PRAMEF20: variants seen among roughly 807,000 people sequenced by gnomAD.
PRAMEF20 encodes PRAME family member 20/21.
PRAMEF20 carries 27 observed loss-of-function variants against 32.4 expected under a neutral mutation model. The observed-to-expected ratio is 0.83, with a 90% CI of 0.61 to 1.15. The LOEUF (loss-of-function observed/expected upper bound fraction) is 1.15. Among genes scored for constraint, PRAMEF20 ranks in the 50% most tolerant of loss-of-function variants. The pLI is 0.00. For missense variants in PRAMEF20, 604 were observed against 584.5 expected, an observed-to-expected ratio of 1.03 and a Z score of -0.34; for synonymous variants, 256 against 235.4, an observed-to-expected ratio of 1.09 and a Z score of -0.80.
At chr1:13,412,027 A>C (rs1255929575), upstream of PRAMEF20, among the ~76,000 whole-genome samples, 7 of 132,030 alleles carry the variant, frequency 5.3e-5, no homozygotes, top group East Asian at 1.5e-3. Context: ...CTTTAATTTA[A>C]TTTATTTTAT....
At chr1:13,420,561 TG>T (rs1239918658) in intron 2 of PRAMEF20, 135 bp from the exon 4 acceptor site, 6 of 1,213,712 alleles carry the variant, frequency 4.9e-6, no homozygotes, top group Non-Finnish European at 7.2e-6. Context: ...GCATCCTAAG[TG>T]TTGACTATCA....
chr1:13,416,658 G>C lies in PRAMEF20; in HGVS notation c.287+17G>C, dbSNP rs1171551356. The C allele has an allele frequency of 6.2e-7, 1 of 1,613,946 alleles. No homozygotes were observed. The highest frequency in any genetic ancestry group is 2.2e-5 in the East Asian group (1 of 44,880). On this transcript the variant is annotated intron_variant, in intron 1 of 2. Transcript: ENST00000602960. ...TCGTCTCAGGTGAGGTGGCCCAAGT[G>C]GGCTGGTGGGGAGGGCCCAGGTGTC... is the stretch of plus-strand genomic sequence containing the variant.
At chr1:13,414,195 T>C (rs1641139334), upstream of PRAMEF20, among the ~76,000 whole-genome samples, 2 of 145,848 alleles carry the variant, frequency 1.4e-5, no homozygotes, top group Non-Finnish European at 3.0e-5. Flanking sequence ...GCACCCGCCA[T>C]CACACCTGAC....
At chr1:13,421,242 A>G (rs1641240826) in exon 3 of PRAMEF20, 6 of 1,613,856 alleles carry the variant, frequency 3.7e-6, no homozygotes, top group Non-Finnish European at 4.2e-6. Context: ...CTGGAGGTAG[A>G]TCGGTGTTGC....
upstream of PRAMEF20, among the ~76,000 whole-genome samples, chr1:13,412,524 CAAGATCCCCAAACAGATCCCCT>C (rs1423842603): frequency 5.3e-5 from 8 of 152,092 alleles, no homozygotes; most frequent in African/African-American, 1.9e-4. Context: ...TTCAATTCTT[CAAGATCCCCAAACAGATCCCCT>C]AAGATCCCCC....
exon 3 of PRAMEF20, chr1:13,420,962 G>A: frequency 5.0e-6 from 8 of 1,613,680 alleles, no homozygotes; most frequent in Non-Finnish European, 6.8e-6. Flanking sequence ...CCGCTGCTTT[G>A]AGCTCACCAC....
chr1:13,418,777 A>C lies in PRAMEF20; in HGVS notation c.866+77A>C. 16 of 1,604,882 alleles carry C rather than the reference A, an allele frequency of 1.0e-5. No individual in the cohort carries two copies. The South Asian group carries it at 1.8e-4, about 18-fold the overall frequency. ...TTACAGGGGGCATCTACTGTGAGCCAGCCTATGAGGATGTAACAGTAAAGG... is the reference window on the plus strand; with the variant it reads ...TTACAGGGGGCATCTACTGTGAGCCCGCCTATGAGGATGTAACAGTAAAGG... On this transcript the variant is annotated intron_variant, in intron 2 of 2. Transcript: ENST00000602960.
chr1:13,414,208 A>ATTTTTTTTTT (rs149194621), upstream of PRAMEF20, among the ~76,000 whole-genome samples: 46 of 123,266 alleles, frequency 3.7e-4, no homozygotes, highest in East Asian at 7.8e-4. Flanking sequence ...CACCTGACTA[A>ATTTTTTTTTT]TTTTTTTTTT....
upstream of PRAMEF20, among the ~76,000 whole-genome samples, chr1:13,414,635 G>GTT (rs1334478162): frequency 6.8e-6 from 1 of 146,164 alleles, no homozygotes; most frequent in East Asian, 2.1e-4. Context: ...ATTTTTGTGG[G>GTT]TTTTTTTTTA....
In PRAMEF20 at chr1:13,418,405, C is replaced by T. The variant is rs1285715239; in HGVS notation, c.571C>T (p.Leu191Phe). 8 of 1,613,912 alleles carry T rather than the reference C, an allele frequency of 5.0e-6. No individual in the cohort carries two copies. In the Admixed American group the frequency reaches 1.0e-4, roughly 20 times the overall value. Reference sequence around the variant, plus strand: ...TAAGAAGCTGAAAATGTTGGGAATGCTCTTCCACAATATCAGAAACATCCT... The same window carrying T: ...TAAGAAGCTGAAAATGTTGGGAATGTTCTTCCACAATATCAGAAACATCCT... The change falls in exon 2 of 3, where the codon CTC becomes TTC. Residue 191 changes from leucine (L) to phenylalanine (F), a missense_variant. By Grantham distance (22) the Leu-to-Phe change is conservative. Coordinates refer to ENST00000602960, the Ensembl canonical transcript of PRAMEF20.
At chr1:13,413,947 A>T (rs1363164096), upstream of PRAMEF20, among the ~76,000 whole-genome samples, 2 of 152,076 alleles carry the variant, frequency 1.3e-5, no homozygotes, top group Admixed American at 6.6e-5. Flanking sequence ...TTTTTCTCTA[A>T]ATGCAGGTTT....
chr1:13,410,701 T>C, the PRAMEF20 span, among the ~76,000 whole-genome samples: 1 of 151,874 alleles, frequency 6.6e-6, no homozygotes, highest in Non-Finnish European at 1.5e-5. Context: ...TCAAAAAATT[T>C]GATTTGTGCT....
intron 2 of PRAMEF20, among the ~76,000 whole-genome samples, chr1:13,420,478 G>A (rs1437114367): frequency 2.0e-5 from 3 of 152,108 alleles, no homozygotes; most frequent in Non-Finnish European, 4.4e-5. Flanking sequence ...CAAAGTTCTG[G>A]GATTACAGGT....
At chr1:13,420,500 C>T (rs918661184) in intron 2 of PRAMEF20, among the ~76,000 whole-genome samples, 197 bp from the exon 4 acceptor site, 100 of 152,244 alleles carry the variant, frequency 6.6e-4, no homozygotes, top group African/African-American at 2.3e-3. Context: ...TGAGTTACTG[C>T]GCCAGGCCTA....
upstream of PRAMEF20, among the ~76,000 whole-genome samples, chr1:13,413,542 T>G (rs1364708716): frequency 1.3e-5 from 2 of 151,988 alleles, no homozygotes; most frequent in African/African-American, 4.8e-5. Context: ...TTTTTGTATT[T>G]TTGGTACAGA....
At chr1:13,415,711 G>A (rs948027044), upstream of PRAMEF20, among the ~76,000 whole-genome samples, 14 of 150,940 alleles carry the variant, frequency 9.3e-5, no homozygotes, top group African/African-American at 3.4e-4. Flanking sequence ...AATCCTCTGA[G>A]CCTGGGAGGT....
upstream of PRAMEF20, among the ~76,000 whole-genome samples, chr1:13,412,537 CAGATCCCCTA>C (rs1641123899): frequency 1.3e-5 from 2 of 152,078 alleles, no homozygotes; most frequent in African/African-American, 2.4e-5. Context: ...GATCCCCAAA[CAGATCCCCTA>C]AGATCCCCCA....
At chr1:13,419,811 T>A (rs2100438359) in intron 2 of PRAMEF20, among the ~76,000 whole-genome samples, 1 of 152,232 alleles carries the variant, frequency 6.6e-6, no homozygotes, top group Middle Eastern at 3.4e-3. Flanking sequence ...CCTGCACATG[T>A]CAGATTATGA....
At chr1:13,414,552 G>T (rs928337922), upstream of PRAMEF20, among the ~76,000 whole-genome samples, 1 of 152,096 alleles carries the variant, frequency 6.6e-6, no homozygotes, top group Admixed American at 6.5e-5. Context: ...TCTGCTTCCC[G>T]GGTTCAAGTG....
Sources: gnomAD v4.1 joint callset for allele counts (sites outside exome capture counted in the v4.1 genomes callset) on GRCh38, gnomAD v4.1.1 for gene constraint, MANE v1.5 for transcripts, NCBI Gene and HGNC (gene_info 2026-07-23, HGNC 2026-07-21) for gene names.